Variants in IQSEC1 observed in about 807,000 individuals in gnomAD.
The protein encoded by IQSEC1 is IQ motif and SEC7 domain-containing protein 1.
A neutral mutation model predicts 91.0 loss-of-function variants in IQSEC1; 31 were observed. The observed-to-expected ratio is 0.34, with a 90% confidence interval of 0.26 to 0.46. IQSEC1 has a LOEUF of 0.46. IQSEC1 is among the 20% of genes least tolerant of loss of function. IQSEC1 has a pLI of 1.00. For missense variants in IQSEC1, 1,388 were observed against 1,575.6 expected, an observed-to-expected ratio of 0.88 and a Z score of 2.02; for synonymous variants, 699 against 662.6, an observed-to-expected ratio of 1.05 and a Z score of -0.84.
chr3:12,908,613 T>C lies in IQSEC1; in HGVS notation c.2579-88A>G. On this transcript the variant is annotated intron_variant, in intron 11 of 13. Coordinates refer to ENST00000613206, the MANE Select transcript of IQSEC1 (RefSeq NM_001134382.3). The surrounding 1 kb of genome is among the most constrained non-coding windows in gnomAD (Gnocchi z 4.9). ...GGCCTTCTGCTTGGAGCTAGCACTG[T>C]CCTGAGCCACCATCTGCTTGGAATG... 1 of 1,389,202 alleles carries C rather than the reference T, an allele frequency of 7.2e-7. No individual in the cohort carries two copies. Among genetic ancestry groups the C allele is most frequent in the South Asian group, 1.2e-5 (1 of 81,820 alleles). 86.1% of individuals were successfully genotyped at this position (1,389,202 alleles called of 1,614,324 possible).
intron 2 of IQSEC1, among the ~76,000 whole-genome samples, chr3:13,090,857 C>T (rs970489604): frequency 2.6e-5 from 4 of 152,296 alleles, no homozygotes; most frequent in African/African-American, 7.2e-5. Flanking sequence ...CGGGGACACT[C>T]AGGCACAGAC....
intron 1 of IQSEC1, among the ~76,000 whole-genome samples, chr3:13,175,483 C>T (rs548343126): frequency 1.2e-4 from 18 of 152,304 alleles, no homozygotes; most frequent in East Asian, 7.7e-4. Flanking sequence ...AACACAGGAT[C>T]GCCCGGAAGC....
At position 13,214,635 on chromosome 3, in the gene IQSEC1, C is replaced by T. The variant is rs906270469; in HGVS notation, c.273-50502G>A. ...AGGAGGGGGCACCTCCAGGAATCCA[C>T]CCTGGCAAGAGCAGGGCCACGGTGC... is the stretch of plus-strand genomic sequence containing the variant. On this transcript the variant is annotated intron_variant, in intron 1 of 15. Transcript: ENST00000648114. This position sits in a 1 kb window ranked among gnomAD's most constrained non-coding sequence, Gnocchi z 4.5. Among the ~76,000 whole-genome samples, 5 of 152,338 alleles carry T rather than the reference C, an allele frequency of 3.3e-5. No individual in the cohort carries two copies. In the South Asian group the frequency reaches 1.0e-3, roughly 32 times the overall value.
intron 12 of IQSEC1, among the ~76,000 whole-genome samples, chr3:12,904,726 G>T (rs1279093470): frequency 2.0e-5 from 3 of 152,178 alleles, no homozygotes; most frequent in Admixed American, 6.5e-5. Context: ...TAACGCCTGG[G>T]ACTCCTCTGG....
chr3:13,240,288 G>A (rs918041995), intron 1 of IQSEC1, among the ~76,000 whole-genome samples: 2 of 152,226 alleles, frequency 1.3e-5, no homozygotes, highest in Non-Finnish European at 1.5e-5. Flanking sequence ...TCAGGAGGCT[G>A]AGGAGAGAGG....
intron 1 of IQSEC1, among the ~76,000 whole-genome samples, chr3:13,246,137 A>G (rs1695104505): frequency 1.3e-5 from 2 of 152,242 alleles, no homozygotes; most frequent in South Asian, 4.1e-4. Flanking sequence ...ATGAATATAC[A>G]AACAAAATGC....
intron 1 of IQSEC1, among the ~76,000 whole-genome samples, chr3:13,061,063 T>A (rs1205419964): frequency 2.6e-5 from 4 of 152,112 alleles, no homozygotes; most frequent in African/African-American, 9.7e-5. Flanking sequence ...AGGGTGACAT[T>A]AATTCCAGCC....
chr3:12,990,039 C>T lies in IQSEC1; in HGVS notation c.24-48174G>A, dbSNP rs151231442. On this transcript the variant is annotated intron_variant, in intron 1 of 13. Coordinates refer to ENST00000613206, the MANE Select transcript of IQSEC1 (RefSeq NM_001134382.3). Reference sequence around the variant, plus strand: ...CACTTGGATAAGCCCCAAACCTGGTCCTAGTTCAGCATCTGGCTGAGCTAA... The same window carrying T: ...CACTTGGATAAGCCCCAAACCTGGTTCTAGTTCAGCATCTGGCTGAGCTAA... 2.9e-3 allele frequency among the ~76,000 whole-genome samples: 448 copies of T among 152,344 alleles called. 2 individuals carry two copies. The highest frequency in any genetic ancestry group is 6.8e-3 in the Middle Eastern group (2 of 294).
chr3:13,269,872 G>A (rs925836142), intron 1 of IQSEC1, among the ~76,000 whole-genome samples: 2 of 152,240 alleles, frequency 1.3e-5, no homozygotes, highest in African/African-American at 4.8e-5. Context: ...CCTTGAATTT[G>A]GGCTGGCCTT....
Position 12,959,786 on chromosome 3 carries a change from T to TCA in IQSEC1, c.24-17923_24-17922dup, listed in dbSNP as rs555063710. ...AATGAAATAAAACTGCACATAGGGA[T>TCA]CATTATACCATTCTACTTTTGTACG... On this transcript the variant is annotated intron_variant, in intron 1 of 13. Coordinates refer to ENST00000613206, the MANE Select transcript of IQSEC1 (RefSeq NM_001134382.3). Among the ~76,000 whole-genome samples, 866 of 152,274 alleles carry TCA rather than the reference T, an allele frequency of 5.7e-3. 7 individuals are homozygous for TCA. In the Middle Eastern group the frequency reaches 0.082, roughly 14 times the overall value.
At chr3:13,275,530 C>T (rs1461535892) in intron 1 of IQSEC1, among the ~76,000 whole-genome samples, 3 of 152,208 alleles carry the variant, frequency 2.0e-5, no homozygotes, top group Non-Finnish European at 4.4e-5. Flanking sequence ...CGGGCACAGA[C>T]ACACCACACA....
chr3:13,187,049 TTCC>T (rs1693946266), intron 1 of IQSEC1, among the ~76,000 whole-genome samples: 4 of 152,072 alleles, frequency 2.6e-5, no homozygotes, highest in South Asian at 2.1e-4. Context: ...CTCTCCTTCC[TTCC>T]TCCTTTCTAT....
intron 1 of IQSEC1, among the ~76,000 whole-genome samples, chr3:13,235,377 C>T (rs1430640765): frequency 6.6e-6 from 1 of 152,174 alleles, no homozygotes; most frequent in Non-Finnish European, 1.5e-5. Context: ...CTGCTGGCCC[C>T]GGGGGACCTG....
intron 3 of IQSEC1, among the ~76,000 whole-genome samples, chr3:12,932,357 C>T (rs927845220): frequency 6.6e-6 from 1 of 152,168 alleles, no homozygotes; most frequent in Non-Finnish European, 1.5e-5. Flanking sequence ...GTAGCAGTTC[C>T]TACATCATGG....
intron 1 of IQSEC1, among the ~76,000 whole-genome samples, chr3:13,194,506 G>A (rs1366458190): frequency 6.6e-6 from 1 of 152,186 alleles, no homozygotes; most frequent in East Asian, 1.9e-4. Context: ...AACTTCCCTC[G>A]CAGGGCCAGC....
intron 2 of IQSEC1, among the ~76,000 whole-genome samples, chr3:13,111,678 G>A (rs1706247130): frequency 6.6e-6 from 1 of 152,140 alleles, no homozygotes. Context: ...CATGGGAGTA[G>A]AGTCCCCATG....
chr3:13,155,976 T>C (rs1707079194), intron 2 of IQSEC1, among the ~76,000 whole-genome samples: 1 of 151,646 alleles, frequency 6.6e-6, no homozygotes, highest in Admixed American at 6.6e-5. Context: ...CCCAGCACTT[T>C]GGGAGGCCAA....
chr3:12,925,459 C>G (rs1396214415), intron 3 of IQSEC1, among the ~76,000 whole-genome samples: 1 of 152,240 alleles, frequency 6.6e-6, no homozygotes, highest in Non-Finnish European at 1.5e-5. Context: ...CTGGCTTCCC[C>G]TGCTGTAAAC....
intron 1 of IQSEC1, chr3:13,015,539 G>A (rs1703083716): frequency 1.0e-6 from 1 of 985,152 alleles, no homozygotes; most frequent in South Asian, 4.7e-5. Flanking sequence ...TCTCAGGGCT[G>A]CTGAGGTCCC....
Sources: allele counts gnomAD v4.1 joint callset (sites outside exome capture counted in the v4.1 genomes callset), GRCh38; gene constraint gnomAD v4.1.1; non-coding constraint Gnocchi (gnomAD v3.1); transcripts MANE v1.5; gene names NCBI Gene and HGNC (gene_info 2026-07-23, HGNC 2026-07-21).